ARIH1: variants seen among roughly 807,000 people sequenced by gnomAD.
ARIH1 encodes ariadne RBR E3 ubiquitin protein ligase 1.
ARIH1 carries 8 observed loss-of-function variants against 85.0 expected under a neutral mutation model. The observed-to-expected ratio is 0.09, with a 90% CI of 0.06 to 0.17. The LOEUF is 0.17. Ranked by LOEUF, ARIH1 falls within the 10% of genes least tolerant of loss-of-function variation. ARIH1 has a pLI of 1.00. For synonymous variants in ARIH1, 238 were observed against 253.6 expected, an observed-to-expected ratio of 0.94 and a Z score of 0.59; for missense variants, 311 against 718.1, an observed-to-expected ratio of 0.43 and a Z score of 6.48.
chr15:72,514,504 G>T (rs551116918), intron 1 of ARIH1, among the ~76,000 whole-genome samples: 1 of 151,888 alleles, frequency 6.6e-6, no homozygotes, highest in African/African-American at 2.4e-5. Context: ...CTGGGAGTTC[G>T]AGACCAGCTT....
rs955638804 is a variant in ARIH1 at position 72,586,622 on chromosome 15, T to C, written c.*3330T>C. ...ACTAAAGGTGGCTAATAGCCACCCG[T>C]ATTATGTGCCTTATTCACTGTTCCC... On this transcript the variant is annotated 3_prime_UTR_variant, in exon 14 of 14. Coordinates refer to ENST00000379887, the MANE Select transcript of ARIH1 (RefSeq NM_005744.5). 6.6e-6 allele frequency: 1 copy of C among 152,214 alleles called. No individual in the cohort carries two copies. Among genetic ancestry groups the C allele is most frequent in the African/African-American group, 2.4e-5 (1 of 41,448 alleles). 9.4% of individuals were successfully genotyped at this position (152,214 alleles called of 1,614,324 possible). A position where few individuals can be genotyped will look rare whatever the true frequency, so the allele number is the denominator to read the frequency against.
chr15:72,552,760 G>C (rs2140428021), intron 3 of ARIH1, among the ~76,000 whole-genome samples: 1 of 151,654 alleles, frequency 6.6e-6, no homozygotes, highest in Non-Finnish European at 1.5e-5. Flanking sequence ...CAACAGGGAT[G>C]GGAATGAGGG....
intron 11 of ARIH1, among the ~76,000 whole-genome samples, chr15:72,573,677 T>G (rs1163853277): frequency 6.6e-6 from 1 of 151,770 alleles, no homozygotes; most frequent in Non-Finnish European, 1.5e-5. Flanking sequence ...ATTCCAATAT[T>G]GATTTAAATT....
intron 2 of ARIH1, among the ~76,000 whole-genome samples, chr15:72,530,729 A>G (rs1276971684): frequency 2.0e-5 from 3 of 152,262 alleles, no homozygotes; most frequent in Non-Finnish European, 4.4e-5. Flanking sequence ...CAGAATTTTT[A>G]TAACTAAACA....
At chr15:72,500,128 T>C (rs2063896639) in intron 1 of ARIH1, among the ~76,000 whole-genome samples, 1 of 151,678 alleles carries the variant, frequency 6.6e-6, no homozygotes, top group South Asian at 2.1e-4. Flanking sequence ...GGAGTCTTGC[T>C]CTGTTGCCAG....
chr15:72,565,028 A>G (rs1317500787), intron 7 of ARIH1, among the ~76,000 whole-genome samples: 5 of 152,096 alleles, frequency 3.3e-5, no homozygotes, highest in Admixed American at 6.6e-5. Flanking sequence ...TAAGAAGCCA[A>G]TCAAGTCAAG....
chr15:72,555,805 T>G, intron 4 of ARIH1, 47 bp from the exon 5 acceptor site: 1 of 1,529,170 alleles, frequency 6.5e-7, no homozygotes, highest in South Asian at 1.1e-5. Flanking sequence ...TAAGCATTCA[T>G]TAAATATTTG....
In ARIH1 at chr15:72,511,783, G is replaced by A. The variant is rs139282676; in HGVS notation, c.376-6284G>A. ...TGCCATATTGTATTTGTAAGACTCC[G>A]TCCAGTACAGAGTTGACTGAGAGTG... On this transcript the variant is annotated intron_variant, in intron 1 of 13. Coordinates refer to ENST00000379887, the MANE Select transcript of ARIH1 (RefSeq NM_005744.5). 4.3e-4 allele frequency among the ~76,000 whole-genome samples: 66 copies of A among 152,008 alleles called. 1 individual carries two copies. In the Middle Eastern group the frequency reaches 0.01, roughly 24 times the overall value.
rs577672559 is a variant in ARIH1 at position 72,590,637 on chromosome 15, A to C, written c.*7345A>C. On this transcript the variant is annotated 3_prime_UTR_variant, in exon 14 of 14. Coordinates refer to ENST00000379887, the MANE Select transcript of ARIH1 (RefSeq NM_005744.5). Reference sequence around the variant, plus strand: ...CCAGGCTGGAATATAATGGCTATTCACAGGCACAGTTAGGGTGCACTACTG... The same window carrying C: ...CCAGGCTGGAATATAATGGCTATTCCCAGGCACAGTTAGGGTGCACTACTG... 6.6e-6 allele frequency: 1 copy of C among 152,234 alleles called. No homozygotes were observed. The highest frequency in any genetic ancestry group is 3.4e-3 in the Middle Eastern group (1 of 294). 9.4% of individuals were successfully genotyped at this position (152,234 alleles called of 1,614,324 possible).
chr15:72,525,957 A>T (rs2064026121), intron 2 of ARIH1, among the ~76,000 whole-genome samples: 3 of 152,122 alleles, frequency 2.0e-5, no homozygotes, highest in African/African-American at 7.2e-5. Context: ...TTTTTTGCAT[A>T]TAAAAATTGA....
rs754218014 is a variant in ARIH1, at chr15:72,518,051, TC to T, written c.376-12del. The stretch of plus-strand genomic sequence containing the variant: ...GCTATTACCTTAAAATGACTTTTTT[TC>T]CCCTCCTTCTTTAGAATCCAGCAAC... On this transcript the variant is annotated splice_polypyrimidine_tract_variant and intron_variant, in intron 1 of 13. Coordinates refer to ENST00000379887, the MANE Select transcript of ARIH1 (RefSeq NM_005744.5). 1.7e-5 allele frequency: 27 copies of T among 1,597,390 alleles called. No homozygotes were observed. Among genetic ancestry groups the T allele is most frequent in the Admixed American group, 6.8e-5 (4 of 59,092 alleles).
At chr15:72,486,211 C>G (rs2063836829) in intron 1 of ARIH1, among the ~76,000 whole-genome samples, 1 of 152,076 alleles carries the variant, frequency 6.6e-6, no homozygotes, top group Admixed American at 6.6e-5. Flanking sequence ...GTTTCAGTTA[C>G]CTGAGGTGTG....
In ARIH1 at chr15:72,557,391, A is replaced by G. The variant is rs187326368; in HGVS notation, c.737+1484A>G. 5.6e-4 allele frequency among the ~76,000 whole-genome samples: 85 copies of G among 152,204 alleles called. 2 individuals are homozygous for G. Among genetic ancestry groups the G allele is most frequent in the South Asian group, 2.9e-3 (14 of 4,824 alleles). The stretch of plus-strand genomic sequence containing the variant: ...GACAAAGCAGCCTGCTCATTTTTAA[A>G]TGGGGTTATTTGTTTTTTGCTTGTT... On this transcript the variant is annotated intron_variant, in intron 5 of 13. Transcript: ENST00000379887.
At chr15:72,480,583 A>T (rs2063812507) in intron 1 of ARIH1, among the ~76,000 whole-genome samples, 1 of 144,894 alleles carries the variant, frequency 6.9e-6, no homozygotes, top group Admixed American at 6.9e-5. Context: ...GTTGTTGTTG[A>T]GATGGAGTTT....
At chr15:72,501,842 T>C (rs930054041) in intron 1 of ARIH1, among the ~76,000 whole-genome samples, 1 of 152,338 alleles carries the variant, frequency 6.6e-6, no homozygotes, top group African/African-American at 2.4e-5. Flanking sequence ...GAATTTAAGT[T>C]ACCTGGTTCT....
rs1343135209 is a variant in ARIH1, at chr15:72,590,181, C to G, written c.*6889C>G. The G allele has an allele frequency of 6.6e-6, 1 of 152,174 alleles. No homozygotes were observed. The highest frequency in any genetic ancestry group is 1.5e-5 in the Non-Finnish European group (1 of 68,074). 9.4% of individuals were successfully genotyped at this position (152,174 alleles called of 1,614,324 possible). On this transcript the variant is annotated 3_prime_UTR_variant, in exon 14 of 14. Transcript: ENST00000379887. Reference sequence around the variant, plus strand: ...TTGTCTGAAGCTCTCAACCTTGATTCTGCATAGACTCGGTGGATTGCCCAA... The same window carrying G: ...TTGTCTGAAGCTCTCAACCTTGATTGTGCATAGACTCGGTGGATTGCCCAA...
chr15:72,571,035 A>AGGAGAAT (rs1416359427), intron 10 of ARIH1, among the ~76,000 whole-genome samples: 1 of 149,624 alleles, frequency 6.7e-6, no homozygotes, highest in Non-Finnish European at 1.5e-5. Flanking sequence ...AGGCTGAGGC[A>AGGAGAAT]GGAGAATCAC....
chr15:72,486,808 C>T (rs1334140801), intron 1 of ARIH1, among the ~76,000 whole-genome samples: 1 of 150,082 alleles, frequency 6.7e-6, no homozygotes, highest in African/African-American at 2.5e-5. Context: ...ATTATCGTGC[C>T]TCAGCCTCCC....
intron 2 of ARIH1, among the ~76,000 whole-genome samples, chr15:72,543,478 T>C (rs1392429420): frequency 6.6e-6 from 1 of 152,192 alleles, no homozygotes; most frequent in African/African-American, 2.4e-5. Flanking sequence ...TAATCCTCCT[T>C]TTTATAATGT....
Sources: gnomAD v4.1 joint callset for allele counts (sites outside exome capture counted in the v4.1 genomes callset) on GRCh38, gnomAD v4.1.1 for gene constraint, MANE v1.5 for transcripts, NCBI Gene and HGNC (gene_info 2026-07-23, HGNC 2026-07-21) for gene names.